The following PCTP variants were observed in gnomAD, a reference collection of about 807,000 sequenced individuals.
PCTP encodes phosphatidylcholine transfer protein.
PCTP carries 27 observed loss-of-function variants against 31.0 expected under a neutral mutation model. That is an observed-to-expected ratio of 0.87 (90% CI 0.64 to 1.20). The LOEUF (loss-of-function observed/expected upper bound fraction) is 1.20, where lower values mean the gene tolerates loss of function less well. Ranked by LOEUF, PCTP falls within the 50% of genes most tolerant of loss-of-function variation. PCTP has a pLI of 0.00. For missense variants in PCTP, 287 were observed against 268.2 expected, an observed-to-expected ratio of 1.07 and a Z score of -0.49; for synonymous variants, 108 against 101.2, an observed-to-expected ratio of 1.07 and a Z score of -0.40.
At chr17:55,772,469 C>T (rs537668221) in intron 3 of PCTP, among the ~76,000 whole-genome samples, 1 of 151,746 alleles carries the variant, frequency 6.6e-6, no homozygotes, top group East Asian at 2.0e-4. Context: ...CGCCTGCAAT[C>T]CCAGCTACTC....
chr17:55,827,428 G>T (rs1189941019), downstream of PCTP, among the ~76,000 whole-genome samples: 1 of 152,224 alleles, frequency 6.6e-6, no homozygotes, highest in Middle Eastern at 3.2e-3. Context: ...GCTAAATTCA[G>T]TTAAGCCTGG....
chr17:55,791,853 A>G (rs1237034959), intron 3 of PCTP, among the ~76,000 whole-genome samples: 8 of 152,124 alleles, frequency 5.3e-5, no homozygotes, highest in African/African-American at 1.9e-4. Flanking sequence ...AGACACATGC[A>G]CACATATGTT....
chr17:55,773,038 A>G (rs1298867247), intron 3 of PCTP, among the ~76,000 whole-genome samples: 1 of 152,226 alleles, frequency 6.6e-6, no homozygotes, highest in Admixed American at 6.5e-5. Context: ...CCTCCCTAGA[A>G]TAGTGCCGTA....
intron 5 of PCTP, among the ~76,000 whole-genome samples, chr17:55,837,198 T>A (rs1905805200): frequency 6.6e-6 from 1 of 152,150 alleles, no homozygotes; most frequent in African/African-American, 2.4e-5. Flanking sequence ...GGGAGAGTCT[T>A]GTGAGCCGCA....
chr17:55,838,765 T>G (rs1471672278), intron 5 of PCTP, among the ~76,000 whole-genome samples: 6 of 152,032 alleles, frequency 3.9e-5, no homozygotes, highest in African/African-American at 1.5e-4. Context: ...GATTTATTTT[T>G]TAATTTTAAA....
Position 55,804,243 on chromosome 17 carries a change from G to A in PCTP, c.317+16589G>A, listed in dbSNP as rs1016755837. On this transcript the variant is annotated intron_variant, in intron 3 of 3. Transcript: ENST00000572536. ...ATGCTGGAGGGGATGTGGAGAAATA[G>A]GAATGCTTTTACACTGTTGATGGGA... Among the ~76,000 whole-genome samples the A allele has an allele frequency of 3.3e-5, 5 of 152,308 alleles. No individual in the cohort carries two copies. The East Asian group carries it at 7.7e-4, about 23-fold the overall frequency.
At chr17:55,816,419 A>T (rs925305766) in intron 3 of PCTP, among the ~76,000 whole-genome samples, 4 of 152,166 alleles carry the variant, frequency 2.6e-5, no homozygotes, top group African/African-American at 9.7e-5. Context: ...CTGGCCAAAA[A>T]CCTGGTACCT....
intron 5 of PCTP, among the ~76,000 whole-genome samples, chr17:55,840,843 C>A (rs1311377088): frequency 6.6e-6 from 1 of 152,170 alleles, no homozygotes; most frequent in Non-Finnish European, 1.5e-5. Context: ...ACATGATATA[C>A]ATTGGAGCAT....
intron 1 of PCTP, among the ~76,000 whole-genome samples, chr17:55,753,579 C>T (rs1466325855): frequency 6.6e-6 from 1 of 152,174 alleles, no homozygotes; most frequent in African/African-American, 2.4e-5. Context: ...TGTCTGCCTC[C>T]AGTCCTGTGT....
chr17:55,818,184 A>G (rs1241813622), intron 3 of PCTP, among the ~76,000 whole-genome samples: 2 of 152,214 alleles, frequency 1.3e-5, no homozygotes, highest in Non-Finnish European at 2.9e-5. Flanking sequence ...GCTGAGATAG[A>G]GGGAAAAAGC....
chr17:55,819,862 C>A (rs111990140), intron 3 of PCTP, among the ~76,000 whole-genome samples: 4 of 151,818 alleles, frequency 2.6e-5, no homozygotes, highest in Non-Finnish European at 5.9e-5. Context: ...AGAAATAAAC[C>A]CTCTCAATTA....
At chr17:55,812,005 A>G (rs1218455518) in intron 3 of PCTP, among the ~76,000 whole-genome samples, 2 of 152,116 alleles carry the variant, frequency 1.3e-5, no homozygotes, top group Non-Finnish European at 2.9e-5. Context: ...ATTACATTGA[A>G]TCTTCCTGGT....
intron 1 of PCTP, among the ~76,000 whole-genome samples, chr17:55,755,981 A>G (rs187490646): frequency 8.5e-5 from 13 of 152,336 alleles, no homozygotes; most frequent in East Asian, 3.9e-4. Flanking sequence ...CCATACAAGA[A>G]CTACATTCTG....
intron 5 of PCTP, chr17:55,775,613 A>G: frequency 7.5e-6 from 9 of 1,192,670 alleles, no homozygotes; most frequent in Non-Finnish European, 9.4e-6. Context: ...AGTCTTGCCC[A>G]GTGCTCAACA....
rs191849767 is a variant in PCTP at position 55,805,926 on chromosome 17, A to G, written c.318-16835A>G. Among the ~76,000 whole-genome samples, 188 of 119,670 alleles carry G rather than the reference A, an allele frequency of 1.6e-3. 2 individuals are homozygous for G. Among genetic ancestry groups the G allele is most frequent in the Admixed American group, 2.7e-3 (34 of 12,660 alleles). The allele number at this position is 119,670 out of a possible 152,430, so 78.5% of individuals were successfully genotyped here. A position where few individuals can be genotyped will look rare whatever the true frequency, so the allele number is the denominator to read the frequency against. The stretch of plus-strand genomic sequence containing the variant: ...TGTGTGTGTGTGTGTGTTTGACTTT[A>G]GAGAAATCTCTTTGGCCTCATTTTT... On this transcript the variant is annotated intron_variant, in intron 3 of 3. Transcript: ENST00000572536.
At chr17:55,779,835 C>A (rs893801162), downstream of PCTP, among the ~76,000 whole-genome samples, 134 of 152,236 alleles carry the variant, frequency 8.8e-4, no homozygotes, top group African/African-American at 3.1e-3. Flanking sequence ...CAAAGTGGAA[C>A]ATCAGCTTCT....
At chr17:55,805,469 C>T (rs9911204) in intron 3 of PCTP, among the ~76,000 whole-genome samples, 31,742 of 151,826 alleles carry the variant, frequency 0.21, 3,859 homozygotes, top group African/African-American at 0.34. Context: ...TATTTGATGT[C>T]TCTGAGTTAG....
chr17:55,815,424 G>A (rs7221624), intron 3 of PCTP, among the ~76,000 whole-genome samples: 8,922 of 152,222 alleles, frequency 0.059, 262 homozygotes, highest in Admixed American at 0.066. Flanking sequence ...AATTTCTATG[G>A]CAGCAGGTGT....
chr17:55,818,149 C>T (rs1912989800), intron 3 of PCTP, among the ~76,000 whole-genome samples: 1 of 152,190 alleles, frequency 6.6e-6, no homozygotes, highest in South Asian at 2.1e-4. Context: ...TCTGGAAGTT[C>T]ACAGTTGCAT....
Sources: gnomAD v4.1 joint callset for allele counts (sites outside exome capture counted in the v4.1 genomes callset) on GRCh38, gnomAD v4.1.1 for gene constraint, MANE v1.5 for transcripts, NCBI Gene and HGNC (gene_info 2026-07-23, HGNC 2026-07-21) for gene names.